OPCML: variants seen among roughly 807,000 people sequenced by gnomAD.
The protein encoded by OPCML is opioid binding protein/cell adhesion molecule like.
In OPCML, 13 loss-of-function variants were observed where a neutral mutation model predicts 37.8. The observed-to-expected ratio is 0.34, with a 90% CI of 0.22 to 0.55. The LOEUF (loss-of-function observed/expected upper bound fraction) is 0.55, where lower values mean the gene tolerates loss of function less well. OPCML is among the 20% of genes least tolerant of loss of function. The pLI, the probability that OPCML is intolerant of heterozygous loss-of-function variation, is 0.91. For synonymous variants in OPCML, 176 were observed against 168.8 expected (o/e 1.04, Z -0.33); for missense variants, 341 against 435.6 (o/e 0.78, Z 1.93).
At chr11:132,583,320 A>C (rs186654954) in intron 3 of OPCML, among the ~76,000 whole-genome samples, 242 of 152,200 alleles carry the variant, frequency 1.6e-3, no homozygotes, top group Admixed American at 3.8e-3. Context: ...TTTGTTTGAC[A>C]TGAGGCCTTG....
chr11:133,026,109 T>A (rs2136912833), intron 1 of OPCML: 1 of 984,398 alleles, frequency 1.0e-6, no homozygotes, highest in Non-Finnish European at 1.2e-6. Flanking sequence ...GTGTTCAAGT[T>A]TTCTGTTGCA....
At chr11:132,921,328 T>C (rs1166677003) in intron 2 of OPCML, among the ~76,000 whole-genome samples, 1 of 152,018 alleles carries the variant, frequency 6.6e-6, no homozygotes, top group Non-Finnish European at 1.5e-5. Context: ...TGGTTGTCCC[T>C]TTATTGCACG....
chr11:132,687,962 TA>T (rs1025678804), intron 2 of OPCML, among the ~76,000 whole-genome samples: 3 of 152,128 alleles, frequency 2.0e-5, no homozygotes, highest in African/African-American at 4.8e-5. Flanking sequence ...CCAGGAGACT[TA>T]AAAAATCTAG....
chr11:133,513,687 C>T (rs1463503968), intron 1 of OPCML, among the ~76,000 whole-genome samples: 1 of 152,168 alleles, frequency 6.6e-6, no homozygotes, highest in African/African-American at 2.4e-5. Context: ...TTAGACATCT[C>T]GCCATCCTGA....
At chr11:133,229,631 A>G (rs977155754) in intron 1 of OPCML, among the ~76,000 whole-genome samples, 1 of 152,146 alleles carries the variant, frequency 6.6e-6, no homozygotes, top group African/African-American at 2.4e-5. Flanking sequence ...ACCAAGATCT[A>G]CAGTAACAAC....
At chr11:132,500,841 G>A (rs1300186828) in intron 4 of OPCML, among the ~76,000 whole-genome samples, 1 of 152,162 alleles carries the variant, frequency 6.6e-6, no homozygotes, top group Admixed American at 6.6e-5. Flanking sequence ...TGATGAGAAT[G>A]ATGGTTTCCA....
intron 3 of OPCML, among the ~76,000 whole-genome samples, chr11:132,599,240 T>C (rs1937659058): frequency 6.6e-6 from 1 of 151,900 alleles, no homozygotes; most frequent in African/African-American, 2.4e-5. Context: ...AAGCCGAGAT[T>C]GCACCACTGC....
intron 1 of OPCML, among the ~76,000 whole-genome samples, chr11:133,116,798 A>C (rs1949341137): frequency 6.6e-6 from 1 of 150,508 alleles, no homozygotes; most frequent in Non-Finnish European, 1.5e-5. Flanking sequence ...GATATTTTAA[A>C]ACTATACATA....
chr11:132,416,189 T>G lies in OPCML; in HGVS notation c.*4004A>C, dbSNP rs978983027. 20 of 152,192 alleles carry G rather than the reference T, an allele frequency of 1.3e-4. No individual in the cohort carries two copies. The highest frequency in any genetic ancestry group is 3.9e-4 in the African/African-American group (16 of 41,442). The allele number at this position is 152,192 out of a possible 1,614,324, so 9.4% of individuals were successfully genotyped here. On this transcript the variant is annotated 3_prime_UTR_variant, in exon 8 of 8. Transcript: ENST00000524381. ...TTCCAAAGGGATTGACAATTTGCTTTTGTGTGTGTGTTGGTCTGTTTCATT... is the reference window on the plus strand; with the variant it reads ...TTCCAAAGGGATTGACAATTTGCTTGTGTGTGTGTGTTGGTCTGTTTCATT...
At chr11:133,267,431 A>G (rs559885973) in intron 1 of OPCML, among the ~76,000 whole-genome samples, 25 of 152,318 alleles carry the variant, frequency 1.6e-4, no homozygotes, top group African/African-American at 6.0e-4. Context: ...TAGACAATCA[A>G]ATCCTCCTTG....
chr11:133,047,536 A>G lies in OPCML; in HGVS notation c.62-104526T>C, dbSNP rs1333992109. On this transcript the variant is annotated intron_variant, in intron 1 of 7. Coordinates refer to ENST00000524381, the MANE Select transcript of OPCML (RefSeq NM_001012393.5). ...CAGGGAATTCTGCCGGCTCTTTAAT[A>G]ACACCCAGCTGTGGATGGCACTGCG... 2.0e-5 allele frequency among the ~76,000 whole-genome samples: 3 copies of G among 152,154 alleles called. 1 individual carries two copies. Among genetic ancestry groups the G allele is most frequent in the African/African-American group, 4.8e-5 (2 of 41,428 alleles).
intron 1 of OPCML, among the ~76,000 whole-genome samples, chr11:133,165,835 G>T (rs544714263): frequency 6.6e-6 from 1 of 152,186 alleles, no homozygotes; most frequent in Non-Finnish European, 1.5e-5. Context: ...AGACCACCCT[G>T]GTCCCTGGAC....
intron 1 of OPCML, among the ~76,000 whole-genome samples, chr11:133,061,435 C>T (rs55778505): frequency 1.3e-5 from 2 of 152,282 alleles, no homozygotes; most frequent in Non-Finnish European, 2.9e-5. Context: ...GATGGGGCTG[C>T]AGGCATGGGA....
At position 132,628,726 on chromosome 11, in the gene OPCML, G is replaced by A. The variant is rs141516759; in HGVS notation, c.379+28361C>T. ...GTAGTTCTCATAATCCCCACGTGTCGTGGGAGGGACCCAGTGGGAGGTAAT... is the reference window on the plus strand; with the variant it reads ...GTAGTTCTCATAATCCCCACGTGTCATGGGAGGGACCCAGTGGGAGGTAAT... On this transcript the variant is annotated intron_variant, in intron 3 of 7. Coordinates refer to ENST00000524381, the MANE Select transcript of OPCML (RefSeq NM_001012393.5). Among the ~76,000 whole-genome samples, 89 of 152,230 alleles carry A rather than the reference G, an allele frequency of 5.8e-4. 1 individual carries two copies. The East Asian group carries it at 0.016, about 27-fold the overall frequency.
At chr11:132,551,351 G>A (rs185274883) in intron 3 of OPCML, among the ~76,000 whole-genome samples, 5 of 152,296 alleles carry the variant, frequency 3.3e-5, no homozygotes, top group Non-Finnish European at 1.5e-5. Flanking sequence ...GTTCATGCCT[G>A]GGCATAGGCT....
At chr11:132,871,702 T>A (rs1214799109) in intron 2 of OPCML, among the ~76,000 whole-genome samples, 2 of 152,250 alleles carry the variant, frequency 1.3e-5, no homozygotes, top group East Asian at 3.8e-4. Context: ...CAACAGTGCC[T>A]GGCTCAGACT....
intron 1 of OPCML, among the ~76,000 whole-genome samples, chr11:133,341,972 A>G (rs1943880251): frequency 6.6e-6 from 1 of 152,092 alleles, no homozygotes; most frequent in Non-Finnish European, 1.5e-5. Context: ...ACCAGGAATT[A>G]ATAACATCGA....
At chr11:132,488,497 G>A (rs2096206770) in intron 4 of OPCML, among the ~76,000 whole-genome samples, 2 of 152,128 alleles carry the variant, frequency 1.3e-5, no homozygotes, top group South Asian at 2.1e-4. Flanking sequence ...TAAAAATATA[G>A]CCTGAAAGAT....
chr11:133,208,480 A>G lies in OPCML; in HGVS notation c.62-265470T>C, dbSNP rs1219772825. Among the ~76,000 whole-genome samples the G allele has an allele frequency of 6.6e-6, 1 of 152,176 alleles. No individual in the cohort carries two copies. Among genetic ancestry groups the G allele is most frequent in the Non-Finnish European group, 1.5e-5 (1 of 68,034 alleles). ...TTTCTCTTGATCTCTCAATTTTTGC[A>G]TGAATAGATTTGGATAATAAAGTGC... On this transcript the variant is annotated intron_variant, in intron 1 of 7. Transcript: ENST00000524381. The surrounding 1 kb of genome is among the most constrained non-coding windows in gnomAD (Gnocchi z 8.9).
Sources: gnomAD v4.1 joint callset for allele counts (sites outside exome capture counted in the v4.1 genomes callset) on GRCh38, gnomAD v4.1.1 for gene constraint, Gnocchi (gnomAD v3.1) non-coding constraint, MANE v1.5 for transcripts, NCBI Gene and HGNC (gene_info 2026-07-23, HGNC 2026-07-21) for gene names.